Variants in EMP2 observed in about 807,000 individuals in gnomAD.
EMP2 encodes epithelial membrane protein 2.
A neutral mutation model predicts 13.7 loss-of-function variants in EMP2; 19 were observed. That is an observed-to-expected ratio of 1.38 (90% confidence interval 0.97 to 2.03). The LOEUF is 2.03. Ranked by LOEUF, EMP2 falls within the 30% of genes most tolerant of loss-of-function variation. The pLI is 0.00. For missense variants in EMP2, 253 were observed against 220.7 expected, an observed-to-expected ratio of 1.15 and a Z score of -0.93; for synonymous variants, 97 against 84.7, an observed-to-expected ratio of 1.15 and a Z score of -0.80.
At chr16:10,553,301 G>A (rs1394771607) in intron 1 of EMP2, among the ~76,000 whole-genome samples, 1 of 152,198 alleles carries the variant, frequency 6.6e-6, no homozygotes, top group Non-Finnish European at 1.5e-5. Context: ...CAGAGATATT[G>A]ATTGCGAGAA....
intron 1 of EMP2, among the ~76,000 whole-genome samples, chr16:10,560,811 T>G (rs1328528904): frequency 6.6e-6 from 1 of 151,896 alleles, no homozygotes; most frequent in Non-Finnish European, 1.5e-5. Flanking sequence ...CGCCCCACAG[T>G]GCAGAGTGGC....
chr16:10,578,597 A>G (rs1314600464), intron 1 of EMP2, among the ~76,000 whole-genome samples: 1 of 152,046 alleles, frequency 6.6e-6, no homozygotes, highest in Non-Finnish European at 1.5e-5. Context: ...CACCCTCCTC[A>G]CAGGGACGCT....
At chr16:10,533,536 T>C (rs927466823) in intron 4 of EMP2, among the ~76,000 whole-genome samples, 3 of 152,208 alleles carry the variant, frequency 2.0e-5, no homozygotes, top group Non-Finnish European at 4.4e-5. Flanking sequence ...TCCACAGACG[T>C]ACCCTGTAAA....
rs1045795863 is a variant in EMP2, at chr16:10,538,036, G to C, written c.208C>G (p.Leu70Val). 7 of 1,614,090 alleles carry C rather than the reference G, an allele frequency of 4.3e-6. No homozygotes were observed. The highest frequency in any genetic ancestry group is 5.9e-6 in the Non-Finnish European group (7 of 1,180,008). The change falls in exon 4 of 5, where the codon CTC becomes GTC. Residue 70 changes from leucine to valine, a missense_variant. Transcript: ENST00000359543. ...GCGATGCAGCAGAGAATGGTGGAGA[G>C]GATCATGGTGGCCTGGACCGCCTGC... ...TLQAVQATMI[L>V]STILCCIAFF...
At chr16:10,576,735 C>T (rs1482222831) in intron 1 of EMP2, 3 of 152,176 alleles carry the variant, frequency 2.0e-5, no homozygotes, top group African/African-American at 7.2e-5. Context: ...CCCAGGAATT[C>T]AATTATTCAC....
chr16:10,547,477 C>A, intron 2 of EMP2, 63 bp downstream of exon 2: 1 of 1,554,234 alleles, frequency 6.4e-7, no homozygotes, highest in Non-Finnish European at 8.9e-7. Flanking sequence ...CAGACCAATA[C>A]AACCCACTTC....
Position 10,560,623 on chromosome 16 carries a change from A to C in EMP2, c.-60-12946T>G, listed in dbSNP as rs189524655. Among the ~76,000 whole-genome samples, 5 of 152,316 alleles carry C rather than the reference A, an allele frequency of 3.3e-5. No individual in the cohort carries two copies. The East Asian group carries it at 9.6e-4, about 29-fold the overall frequency. ...TGCCCTGGGGCTGCCGGGTCCCTAA[A>C]GGGCAAGGGTGTGTAAACGGACGGA... On this transcript the variant is annotated intron_variant, in intron 1 of 4. Coordinates refer to ENST00000359543, the MANE Select transcript of EMP2 (RefSeq NM_001424.6).
At chr16:10,577,729 A>G (rs529282372) in intron 1 of EMP2, among the ~76,000 whole-genome samples, 1 of 152,036 alleles carries the variant, frequency 6.6e-6, no homozygotes, top group East Asian at 1.9e-4. Flanking sequence ...CTGCACAGGC[A>G]TCCCGAGGCT....
chr16:10,540,727 T>G (rs1025842839), intron 3 of EMP2, among the ~76,000 whole-genome samples: 9 of 152,102 alleles, frequency 5.9e-5, no homozygotes, highest in African/African-American at 2.2e-4. Flanking sequence ...GCTTTCCATC[T>G]AGTATTTTCA....
rs1329093324 is a variant in EMP2 at position 10,530,208 on chromosome 16, A to G, written c.*2697T>C. On this transcript the variant is annotated 3_prime_UTR_variant, in exon 5 of 5. Coordinates refer to ENST00000359543, the MANE Select transcript of EMP2 (RefSeq NM_001424.6). ...GGGGGTCCTATCTCATAGACTCCAA[A>G]CTTCATGATGGCAGGGAGGATATCT... is the stretch of plus-strand genomic sequence containing the variant. The G allele has an allele frequency of 6.6e-6, 1 of 152,252 alleles. No homozygotes were observed. The highest frequency in any genetic ancestry group is 1.5e-5 in the Non-Finnish European group (1 of 68,098). The allele number at this position is 152,252 out of a possible 1,614,324, so 9.4% of individuals were successfully genotyped here.
chr16:10,535,151 C>G (rs756747379), intron 4 of EMP2, among the ~76,000 whole-genome samples: 7 of 152,116 alleles, frequency 4.6e-5, no homozygotes, highest in African/African-American at 1.7e-4. Flanking sequence ...GTTAGAGTAT[C>G]TGCTGCTTGC....
chr16:10,552,860 A>T (rs1227946907), intron 1 of EMP2, among the ~76,000 whole-genome samples: 1 of 152,238 alleles, frequency 6.6e-6, no homozygotes, highest in Non-Finnish European at 1.5e-5. Flanking sequence ...TGGACATTTC[A>T]GACATCAGGA....
chr16:10,536,129 G>A (rs944026324), intron 4 of EMP2, among the ~76,000 whole-genome samples: 2 of 152,208 alleles, frequency 1.3e-5, no homozygotes, highest in Non-Finnish European at 2.9e-5. Context: ...GTACCTGGCT[G>A]TCCAGTAAAA....
intron 4 of EMP2, among the ~76,000 whole-genome samples, chr16:10,537,087 T>C (rs2050653222): frequency 6.6e-6 from 1 of 152,158 alleles, no homozygotes; most frequent in Non-Finnish European, 1.5e-5. Flanking sequence ...GCAGCCTAAG[T>C]TGGCTCCCAC....
At chr16:10,552,118 CCT>C (rs201351544) in intron 1 of EMP2, among the ~76,000 whole-genome samples, 11,359 of 126,174 alleles carry the variant, frequency 0.09, 838 homozygotes, top group African/African-American at 0.39. Flanking sequence ...TGATGCATTC[CCT>C]TTTTTTTTTT....
At chr16:10,573,112 C>G (rs1265463850) in intron 1 of EMP2, among the ~76,000 whole-genome samples, 3 of 152,148 alleles carry the variant, frequency 2.0e-5, no homozygotes, top group Non-Finnish European at 4.4e-5. Flanking sequence ...TGCAGTGGCA[C>G]AATCTCAGCT....
intron 4 of EMP2, among the ~76,000 whole-genome samples, chr16:10,534,120 A>T (rs1350192127): frequency 6.6e-6 from 1 of 152,188 alleles, no homozygotes. Context: ...TCTCAAAAAA[A>T]AAAAGAAAAA....
intron 1 of EMP2, chr16:10,578,001 G>T (rs1026929300): frequency 2.8e-5 from 4 of 144,048 alleles, no homozygotes; most frequent in African/African-American, 1.0e-4. Flanking sequence ...AAGGAGGGAG[G>T]CTGGACATCT....
At chr16:10,549,598 C>T (rs2050767300) in intron 1 of EMP2, among the ~76,000 whole-genome samples, 1 of 151,754 alleles carries the variant, frequency 6.6e-6, no homozygotes, top group Non-Finnish European at 1.5e-5. Context: ...GAGATAGTTA[C>T]TACATTTTTT....
Sources: allele counts gnomAD v4.1 joint callset (sites outside exome capture counted in the v4.1 genomes callset), GRCh38; gene constraint gnomAD v4.1.1; transcripts MANE v1.5; gene names NCBI Gene and HGNC (gene_info 2026-07-23, HGNC 2026-07-21).